CAMTA1: variants seen among roughly 807,000 people sequenced by gnomAD.
CAMTA1 encodes the protein calmodulin binding transcription activator 1.
CAMTA1 carries 27 observed loss-of-function variants against 170.9 expected under a neutral mutation model. The observed-to-expected ratio is 0.16, with a 90% CI of 0.12 to 0.22. The LOEUF (loss-of-function observed/expected upper bound fraction) is 0.22, where lower values mean the gene tolerates loss of function less well. CAMTA1 is among the 10% of genes least tolerant of loss of function. The pLI is 1.00. For missense variants in CAMTA1, 1,619 were observed against 2,217.2 expected (o/e 0.73, Z 5.42); for synonymous variants, 833 against 891.5 (o/e 0.93, Z 1.17).
At chr1:7,379,470 T>C (rs2087106153) in intron 5 of CAMTA1, among the ~76,000 whole-genome samples, 1 of 152,222 alleles carries the variant, frequency 6.6e-6, no homozygotes, top group Non-Finnish European at 1.5e-5. Context: ...TCGGGAAGTT[T>C]CTTCTTTGGT....
At position 7,041,919 on chromosome 1, in the gene CAMTA1, G is replaced by T. The variant is rs1030747398; in HGVS notation, c.235-49385G>T. ...AGTGGTGGCAATAATGTGTGCAGGG[G>T]TTAACGTCTGAATGCTCTGATCTGG... is the stretch of plus-strand genomic sequence containing the variant. On this transcript the variant is annotated intron_variant, in intron 3 of 22. Coordinates refer to ENST00000303635, the MANE Select transcript of CAMTA1 (RefSeq NM_015215.4). This position sits in a 1 kb window ranked among gnomAD's most constrained non-coding sequence, Gnocchi z 5.1. 2.0e-5 allele frequency among the ~76,000 whole-genome samples: 3 copies of T among 152,182 alleles called. No individual in the cohort carries two copies. Among genetic ancestry groups the T allele is most frequent in the Non-Finnish European group, 4.4e-5 (3 of 68,038 alleles).
intron 3 of CAMTA1, among the ~76,000 whole-genome samples, chr1:6,845,542 T>C (rs933002861): frequency 2.0e-5 from 3 of 152,234 alleles, no homozygotes; most frequent in African/African-American, 7.2e-5. Context: ...GACTTTATGA[T>C]TTGTGAATTA....
intron 6 of CAMTA1, among the ~76,000 whole-genome samples, chr1:7,535,341 C>T (rs2094537042): frequency 6.6e-6 from 1 of 152,326 alleles, no homozygotes; most frequent in Non-Finnish European, 1.5e-5. Context: ...GGGAGTGCCG[C>T]CCGCCTCCAC....
At chr1:7,606,237 G>C (rs1377687477) in intron 6 of CAMTA1, among the ~76,000 whole-genome samples, 2 of 152,182 alleles carry the variant, frequency 1.3e-5, no homozygotes, top group Admixed American at 1.3e-4. Flanking sequence ...TGCCTCTGTG[G>C]GTGCTTAGGA....
chr1:6,789,815 T>A (rs1640526204), intron 1 of CAMTA1, among the ~76,000 whole-genome samples: 1 of 118,366 alleles, frequency 8.4e-6, no homozygotes, highest in East Asian at 2.0e-4. Context: ...TTTTTTTTTT[T>A]TTTTTTTTTT....
At chr1:7,486,918 C>T (rs1206838561) in intron 6 of CAMTA1, among the ~76,000 whole-genome samples, 1 of 152,154 alleles carries the variant, frequency 6.6e-6, no homozygotes, top group African/African-American at 2.4e-5. Flanking sequence ...CAAGCTCTAC[C>T]CCTGACTTCT....
At chr1:7,241,419 GC>G (rs1558296059) in intron 4 of CAMTA1, among the ~76,000 whole-genome samples, 1 of 149,714 alleles carries the variant, frequency 6.7e-6, no homozygotes, top group Non-Finnish European at 1.5e-5. Context: ...AATTCTAGCA[GC>G]CTTTTTTCCT....
intron 6 of CAMTA1, among the ~76,000 whole-genome samples, chr1:7,557,682 A>G (rs1004555037): frequency 6.6e-6 from 1 of 152,230 alleles, no homozygotes; most frequent in East Asian, 1.9e-4. Context: ...CAATTGCTGC[A>G]TATTTACTGG....
chr1:6,984,336 T>C (rs1189491040), intron 3 of CAMTA1, among the ~76,000 whole-genome samples: 1 of 152,062 alleles, frequency 6.6e-6, no homozygotes, highest in African/African-American at 2.4e-5. Flanking sequence ...ATTCTGAAAA[T>C]GGCAGCACAT....
At chr1:7,338,268 A>G (rs2083542734) in intron 5 of CAMTA1, among the ~76,000 whole-genome samples, 1 of 152,094 alleles carries the variant, frequency 6.6e-6, no homozygotes, top group Admixed American at 6.5e-5. Context: ...CCCCTTCCAC[A>G]GAAACAAGTG....
chr1:6,877,675 A>G (rs980467648), intron 3 of CAMTA1, among the ~76,000 whole-genome samples: 6 of 152,184 alleles, frequency 3.9e-5, no homozygotes, highest in African/African-American at 1.2e-4. Flanking sequence ...AATACTCCAT[A>G]TGACAGACTG....
chr1:6,878,766 C>T (rs915108623), intron 3 of CAMTA1, among the ~76,000 whole-genome samples: 1 of 152,226 alleles, frequency 6.6e-6, no homozygotes, highest in African/African-American at 2.4e-5. Context: ...CATGGCAGTT[C>T]ACCATGACCG....
rs528458387 is a variant in CAMTA1, at chr1:7,297,049, A to G, written c.438+47423A>G. On this transcript the variant is annotated intron_variant, in intron 5 of 22. Transcript: ENST00000303635. ...AGAGGGGATGGAGGACCAAATGGAA[A>G]AAGAAAGCTACAAAACTGTATTTTC... Among the ~76,000 whole-genome samples, 308 of 152,340 alleles carry G rather than the reference A, an allele frequency of 2.0e-3. 1 individual carries two copies. The highest frequency in any genetic ancestry group is 6.7e-3 in the African/African-American group (279 of 41,578).
chr1:7,364,843 G>A (rs1203551427), intron 5 of CAMTA1, among the ~76,000 whole-genome samples: 22 of 152,204 alleles, frequency 1.4e-4, no homozygotes, highest in Admixed American at 1.4e-3. Flanking sequence ...CACAAAGCAA[G>A]GGCTCAGTAT....
At position 7,681,003 on chromosome 1, in the gene CAMTA1, C is replaced by T. The variant is rs1156341971; in HGVS notation, c.2914+3270C>T. ...CCACGTTGGGGCCGGGGGGCAGGGA[C>T]CCGACGTCCCCAAAATCTCAGCTGG... On this transcript the variant is annotated intron_variant, in intron 11 of 22. Transcript: ENST00000303635. This position sits in a 1 kb window ranked among gnomAD's most constrained non-coding sequence, Gnocchi z 4.6. 1.3e-5 allele frequency among the ~76,000 whole-genome samples: 2 copies of T among 152,116 alleles called. No homozygotes were observed. The highest frequency in any genetic ancestry group is 2.4e-5 in the African/African-American group (1 of 41,438).
intron 7 of CAMTA1, among the ~76,000 whole-genome samples, chr1:7,657,107 A>C (rs771434990): frequency 6.6e-6 from 1 of 152,218 alleles, no homozygotes; most frequent in South Asian, 2.1e-4. Context: ...AGGAGCCAGC[A>C]TCCTGCTTCC....
rs1025308304 is a variant in CAMTA1 at position 7,585,648 on chromosome 1, C to T, written c.511-54752C>T. Among the ~76,000 whole-genome samples, 3 of 152,212 alleles carry T rather than the reference C, an allele frequency of 2.0e-5. No homozygotes were observed. The highest frequency in any genetic ancestry group is 2.0e-4 in the Admixed American group (3 of 15,296). On this transcript the variant is annotated intron_variant, in intron 6 of 22. Transcript: ENST00000303635. The surrounding 1 kb of genome is among the most constrained non-coding windows in gnomAD (Gnocchi z 4.8). ...TGCAGAGGGCAAGGGCAGGAGGCTG[C>T]AGGAGGACAATGGGCCATGGGAGGA...
At chr1:6,822,205 T>C (rs919262457) in intron 2 of CAMTA1, among the ~76,000 whole-genome samples, 8 of 152,322 alleles carry the variant, frequency 5.3e-5, no homozygotes, top group African/African-American at 1.9e-4. Context: ...CAAGATACTA[T>C]TATTAGGATT....
chr1:6,833,895 C>T (rs115331423), intron 3 of CAMTA1, among the ~76,000 whole-genome samples: 56 of 152,258 alleles, frequency 3.7e-4, no homozygotes, highest in African/African-American at 1.3e-3. Flanking sequence ...TCCACAGAGC[C>T]GCAGTTGAGA....
Sources: gnomAD v4.1 joint callset for allele counts (sites outside exome capture counted in the v4.1 genomes callset) on GRCh38, gnomAD v4.1.1 for gene constraint, Gnocchi (gnomAD v3.1) non-coding constraint, MANE v1.5 for transcripts, NCBI Gene and HGNC (gene_info 2026-07-23, HGNC 2026-07-21) for gene names.